Variants in PIBF1 observed in about 807,000 individuals in gnomAD.
PIBF1 encodes the protein progesterone-induced-blocking factor 1.
PIBF1 carries 90 observed loss-of-function variants against 112.5 expected under a neutral mutation model. That is an observed-to-expected ratio of 0.80 (90% CI 0.67 to 0.95). The LOEUF is 0.95. PIBF1 is among the 40% of genes least tolerant of loss of function. PIBF1 has a pLI of 0.00. For synonymous variants in PIBF1, 301 were observed against 288.6 expected, an observed-to-expected ratio of 1.04 and a Z score of -0.44; for missense variants, 915 against 852.3, an observed-to-expected ratio of 1.07 and a Z score of -0.92.
At chr13:72,866,546 G>T (rs1310471352) in intron 10 of PIBF1, among the ~76,000 whole-genome samples, 1 of 152,000 alleles carries the variant, frequency 6.6e-6, no homozygotes, top group African/African-American at 2.4e-5. Flanking sequence ...TTTGATCTAT[G>T]ACATACATTT....
intron 10 of PIBF1, among the ~76,000 whole-genome samples, chr13:72,862,335 G>A (rs1023654215): frequency 1.3e-5 from 2 of 152,218 alleles, no homozygotes; most frequent in African/African-American, 4.8e-5. Context: ...GCTGCATGCA[G>A]TGGCATGCCT....
chr13:73,005,525 TTTTAA>T (rs1405062981), intron 17 of PIBF1, among the ~76,000 whole-genome samples: 1 of 151,704 alleles, frequency 6.6e-6, no homozygotes, highest in Non-Finnish European at 1.5e-5. Flanking sequence ...AAATTTAAAT[TTTTAA>T]TTTAATTTAA....
In PIBF1 at chr13:72,789,999, C is replaced by T. The variant is rs188002534; in HGVS notation, c.253-2448C>T. Among the ~76,000 whole-genome samples, 5 of 152,256 alleles carry T rather than the reference C, an allele frequency of 3.3e-5. No individual in the cohort carries two copies. The East Asian group carries it at 9.6e-4, about 29-fold the overall frequency. ...TTATTGAGATGTTGCTGGATATATG[C>T]CAATGGATATGACAGAGGTCCCCCT... On this transcript the variant is annotated intron_variant, in intron 2 of 17. Coordinates refer to ENST00000326291, the MANE Select transcript of PIBF1 (RefSeq NM_006346.4).
chr13:72,878,431 T>C (rs902336658), intron 10 of PIBF1, among the ~76,000 whole-genome samples: 1 of 152,214 alleles, frequency 6.6e-6, no homozygotes, highest in Non-Finnish European at 1.5e-5. Flanking sequence ...TATCCACATA[T>C]TTTAGAATCT....
chr13:72,783,666 A>T lies in PIBF1; in HGVS notation c.197A>T (p.Glu66Val), dbSNP rs1251033891. Residue 66 changes from glutamate (E) to valine (V), a missense_variant, in exon 2 of 18, where the codon GAG becomes GTG. By Grantham distance (121) the Glu-to-Val change is moderately radical (BLOSUM62 -2). Transcript: ENST00000326291. ...LLHNIQLLKI[E>V]LSQKTMMIDN... ...CATAATATTCAGTTACTAAAAATTG[A>T]GCTATCCCAGAAAACTATGATGATC... is the stretch of plus-strand genomic sequence containing the variant. 1 of 1,613,688 alleles carries T rather than the reference A, an allele frequency of 6.2e-7. No homozygotes were observed. The highest frequency in any genetic ancestry group is 8.5e-7 in the Non-Finnish European group (1 of 1,179,720).
intron 14 of PIBF1, among the ~76,000 whole-genome samples, chr13:72,948,547 C>T (rs1408013519): frequency 2.0e-5 from 3 of 152,204 alleles, no homozygotes; most frequent in African/African-American, 4.8e-5. Flanking sequence ...CTGCCTGTTA[C>T]TCGGTTCCAA....
intron 6 of PIBF1, among the ~76,000 whole-genome samples, chr13:72,824,759 C>T (rs971246782): frequency 2.6e-5 from 4 of 152,128 alleles, no homozygotes; most frequent in African/African-American, 9.7e-5. Context: ...TTTTAAAGGG[C>T]AAAAGGATAC....
At chr13:72,789,426 A>G (rs370793802) in intron 2 of PIBF1, among the ~76,000 whole-genome samples, 12 of 152,008 alleles carry the variant, frequency 7.9e-5, no homozygotes, top group African/African-American at 2.2e-4. Context: ...GCTTCAAGCA[A>G]TCCTCCCACC....
At chr13:72,877,734 CT>C (rs947509982) in intron 10 of PIBF1, among the ~76,000 whole-genome samples, 4 of 148,434 alleles carry the variant, frequency 2.7e-5, no homozygotes, top group Admixed American at 2.0e-4. Flanking sequence ...TGTTTCATTT[CT>C]TTTTTTTCTT....
chr13:72,998,786 C>G (rs756782722), intron 16 of PIBF1, 36 bp from the exon 17 acceptor site: 4 of 1,506,758 alleles, frequency 2.7e-6, no homozygotes, highest in Non-Finnish European at 3.6e-6. Flanking sequence ...GCTAAAATCA[C>G]TCTTGCTACT....
At chr13:72,875,954 T>C (rs1412361767) in intron 10 of PIBF1, among the ~76,000 whole-genome samples, 2 of 152,082 alleles carry the variant, frequency 1.3e-5, no homozygotes, top group African/African-American at 4.8e-5. Flanking sequence ...AAGTCCAGTT[T>C]ATTCTTTTTT....
intron 14 of PIBF1, among the ~76,000 whole-genome samples, chr13:72,952,992 G>A (rs1377287349): frequency 1.3e-5 from 2 of 152,110 alleles, no homozygotes; most frequent in Non-Finnish European, 2.9e-5. Flanking sequence ...TACTAAAGCA[G>A]GTGGATAAAT....
At chr13:72,851,716 A>T (rs1484913168) in intron 9 of PIBF1, among the ~76,000 whole-genome samples, 1 of 152,198 alleles carries the variant, frequency 6.6e-6, no homozygotes, top group South Asian at 2.1e-4. Flanking sequence ...AACTTACAGT[A>T]CTTTTTTCCT....
intron 14 of PIBF1, among the ~76,000 whole-genome samples, chr13:72,935,838 G>A (rs1566467749): frequency 6.6e-6 from 1 of 151,870 alleles, no homozygotes; most frequent in African/African-American, 2.4e-5. Context: ...ATCTTCTTGG[G>A]AGAAGTGTCT....
intron 14 of PIBF1, among the ~76,000 whole-genome samples, chr13:72,943,023 G>A (rs963178195): frequency 3.3e-5 from 5 of 152,052 alleles, no homozygotes; most frequent in African/African-American, 1.2e-4. Context: ...ATATCGTTTA[G>A]TAAAGAACAG....
chr13:72,927,990 C>T (rs4391936), intron 13 of PIBF1, among the ~76,000 whole-genome samples: 41,595 of 77,004 alleles, frequency 0.54, 10,105 homozygotes, highest in South Asian at 0.71. Context: ...TATATATATA[C>T]ACACACATAT....
chr13:72,894,139 A>C (rs1455142926), intron 11 of PIBF1, among the ~76,000 whole-genome samples, 190 bp downstream of exon 11: 4 of 151,810 alleles, frequency 2.6e-5, no homozygotes, highest in Non-Finnish European at 2.9e-5. Flanking sequence ...GTTGAGAAAC[A>C]AAAAAAGCAA....
chr13:72,871,026 A>C (rs1240494099), intron 10 of PIBF1, among the ~76,000 whole-genome samples: 1 of 152,100 alleles, frequency 6.6e-6, no homozygotes, highest in African/African-American at 2.4e-5. Flanking sequence ...ATATATATTT[A>C]TGGTAATTCA....
In PIBF1 at chr13:72,806,969, G is replaced by A. The variant is rs578137223; in HGVS notation, c.672+8943G>A. Among the ~76,000 whole-genome samples the A allele has an allele frequency of 8.0e-5, 12 of 150,186 alleles. No homozygotes were observed. In the South Asian group the frequency reaches 2.3e-3, roughly 29 times the overall value. ...TTCCACAATTGTCTTTCACAGTCAG[G>A]TTGAACTAATTTACGCTTTTTTTTT... On this transcript the variant is annotated intron_variant, in intron 5 of 17. Transcript: ENST00000326291.
Sources: allele counts gnomAD v4.1 joint callset (sites outside exome capture counted in the v4.1 genomes callset), GRCh38; gene constraint gnomAD v4.1.1; transcripts MANE v1.5; gene names NCBI Gene and HGNC (gene_info 2026-07-23, HGNC 2026-07-21).